Variants in CALU observed in about 807,000 individuals in gnomAD.
CALU encodes the protein calumenin, also known as IEF SSP 9302.
CALU carries 13 observed loss-of-function variants against 37.5 expected under a neutral mutation model. The observed-to-expected ratio is 0.35, with a 90% CI of 0.23 to 0.55. CALU has a LOEUF of 0.55. Among genes scored for constraint, CALU ranks in the 20% least tolerant of loss-of-function variants. CALU has a pLI of 0.89. For missense variants in CALU, 282 were observed against 391.7 expected (o/e 0.72, Z 2.36); for synonymous variants, 114 against 133.8 (o/e 0.85, Z 1.02).
At chr7:128,759,968 G>A in intron 5 of CALU, 116 bp downstream of exon 5, 1 of 640,014 alleles carries the variant, frequency 1.6e-6, no homozygotes, top group East Asian at 3.0e-5. Context: ...GGCCGAGGCG[G>A]GCAGATCACC....
At chr7:128,764,168 C>G (rs1205220658) in intron 5 of CALU, among the ~76,000 whole-genome samples, 1 of 152,076 alleles carries the variant, frequency 6.6e-6, no homozygotes, top group Admixed American at 6.6e-5. Context: ...TAGCTCATTC[C>G]TGTAATCCCA....
At chr7:128,764,488 GAAAT>G (rs1801249319) in intron 5 of CALU, among the ~76,000 whole-genome samples, 1 of 152,136 alleles carries the variant, frequency 6.6e-6, no homozygotes, top group African/African-American at 2.4e-5. Flanking sequence ...AATTCGGAAA[GAAAT>G]CTATAAAATT....
intron 3 of CALU, among the ~76,000 whole-genome samples, chr7:128,758,539 G>A (rs973730322): frequency 6.6e-6 from 1 of 152,164 alleles, no homozygotes; most frequent in Non-Finnish European, 1.5e-5. Flanking sequence ...TTCAAACTCA[G>A]GCAGTATGGG....
intron 3 of CALU, among the ~76,000 whole-genome samples, chr7:128,756,212 G>A (rs1015642555): frequency 2.0e-5 from 3 of 152,206 alleles, no homozygotes; most frequent in East Asian, 1.9e-4. Flanking sequence ...TAGGCTATTG[G>A]TGATCTAAAC....
At position 128,758,927 on chromosome 7, in the gene CALU, C is replaced by G; in HGVS notation, c.472C>G (p.Arg158Gly). 6.2e-7 allele frequency: 1 copy of G among 1,613,524 alleles called. No homozygotes were observed. Among genetic ancestry groups the G allele is most frequent in the East Asian group, 2.2e-5 (1 of 44,872 alleles). ...NYKQMMVRDERRFKMADKDGD... is the reference protein window; with the variant it reads ...NYKQMMVRDEGRFKMADKDGD... ...TAAACAGATGATGGTTAGAGATGAG[C>G]GGAGGTTTAAAATGGCAGACAAGGA... The change falls in exon 4 of 7, where the codon CGG (arginine) becomes GGG (glycine). Residue 158 changes from arginine to glycine, a missense_variant. Arg to Gly is a moderately radical substitution (Grantham distance 125, BLOSUM62 -2). Transcript: ENST00000249364.
At chr7:128,739,463 A>G (rs1000470796) in intron 1 of CALU, 31 bp downstream of exon 1, 1 of 152,582 alleles carries the variant, frequency 6.6e-6, no homozygotes, top group Non-Finnish European at 1.5e-5. Context: ...CCCCTTCACC[A>G]CTGCCTCATC....
chr7:128,747,591 A>G lies in CALU; in HGVS notation c.-11-982A>G, dbSNP rs1385180883. 3 of 152,252 alleles carry G rather than the reference A, an allele frequency of 2.0e-5. No homozygotes were observed. The East Asian group carries it at 5.8e-4, about 29-fold the overall frequency. 9.4% of individuals were successfully genotyped at this position (152,252 alleles called of 1,614,324 possible). A position where few individuals can be genotyped will look rare whatever the true frequency, so the allele number is the denominator to read the frequency against. On this transcript the variant is annotated intron_variant, in intron 1 of 6. Coordinates refer to ENST00000249364, the MANE Select transcript of CALU (RefSeq NM_001219.5). ...CCCCCACTGAGCTGCCTTCCCAGTG[A>G]TGAAAGAAAAAATGTAAAAGCCTGA...
At chr7:128,768,860 A>C (rs1322143711) in intron 6 of CALU, among the ~76,000 whole-genome samples, 1 of 150,148 alleles carries the variant, frequency 6.7e-6, no homozygotes. Context: ...AAAAAAAAAA[A>C]AAAAAAAACA....
chr7:128,746,283 G>A (rs561131578), intron 1 of CALU, among the ~76,000 whole-genome samples: 1 of 151,928 alleles, frequency 6.6e-6, no homozygotes, highest in East Asian at 1.9e-4. Flanking sequence ...TCAGCCTCCT[G>A]AGTAGCTGGG....
chr7:128,744,287 C>T (rs1800349514), intron 1 of CALU, among the ~76,000 whole-genome samples: 1 of 152,068 alleles, frequency 6.6e-6, no homozygotes, highest in Non-Finnish European at 1.5e-5. Flanking sequence ...TTCACATCTT[C>T]CCACGTAAGA....
rs1470300589 is a variant in CALU, at chr7:128,759,892, G to C, written c.643+40G>C. The C allele has an allele frequency of 7.6e-6, 8 of 1,051,750 alleles. No homozygotes were observed. In the Admixed American group the frequency reaches 1.2e-4, roughly 16 times the overall value. The allele number at this position is 1,051,750 out of a possible 1,614,324, so 65.2% of individuals were successfully genotyped here. Reference sequence around the variant, plus strand: ...TTAGTGTTTTTCTTAGAAAAGCTGAGAAGCTTTGAAAGGTGTATTTGCTGG... The same window carrying C: ...TTAGTGTTTTTCTTAGAAAAGCTGACAAGCTTTGAAAGGTGTATTTGCTGG... On this transcript the variant is annotated intron_variant, in intron 5 of 6. Transcript: ENST00000249364.
At chr7:128,746,081 A>T (rs1467806508) in intron 1 of CALU, among the ~76,000 whole-genome samples, 2 of 151,412 alleles carry the variant, frequency 1.3e-5, no homozygotes, top group Non-Finnish European at 2.9e-5. Context: ...CGTTGTTTTG[A>T]ACCTTGCTTT....
Position 128,772,726 on chromosome 7 carries a change from T to A in CALU, c.*3559T>A. On this transcript the variant is annotated 3_prime_UTR_variant, in exon 7 of 7. Coordinates refer to ENST00000249364, the MANE Select transcript of CALU (RefSeq NM_001219.5). ...GGAAGTATGGGAAAAAAGACCTTAT[T>A]CTCTGTATCACCAAAGCCTTGCACA... 1 of 1,602,536 alleles carries A rather than the reference T, an allele frequency of 6.2e-7. No homozygotes were observed. The highest frequency in any genetic ancestry group is 8.5e-7 in the Non-Finnish European group (1 of 1,169,898).
chr7:128,768,994 A>G (rs1015747804), intron 6 of CALU, 69 bp from the exon 7 acceptor site: 42 of 875,238 alleles, frequency 4.8e-5, no homozygotes, highest in Middle Eastern at 4.4e-4. Context: ...CAATTCTTCT[A>G]TAACAGTGTT....
rs1012831963 is a variant in CALU, at chr7:128,768,847, CAAAA to C, written c.844-198_844-195del. 7.4e-4 allele frequency among the ~76,000 whole-genome samples: 41 copies of C among 55,194 alleles called. 1 individual carries two copies. The highest frequency in any genetic ancestry group is 1.3e-3 in the African/African-American group (15 of 11,574). The allele number at this position is 55,194 out of a possible 152,430, so 36.2% of individuals were successfully genotyped here. On this transcript the variant is annotated intron_variant, in intron 6 of 6. Coordinates refer to ENST00000249364, the MANE Select transcript of CALU (RefSeq NM_001219.5). Reference sequence around the variant, plus strand: ...GGGCAACAAGAGCGAAACTCCGTCTCAAAAAAAAAAAAAAAAAAAAACAAGGAAT... The same window carrying C: ...GGGCAACAAGAGCGAAACTCCGTCTCAAAAAAAAAAAAAAAAACAAGGAAT...
chr7:128,764,676 T>C (rs1474988403), intron 5 of CALU, among the ~76,000 whole-genome samples: 2 of 152,122 alleles, frequency 1.3e-5, no homozygotes, highest in East Asian at 1.9e-4. Flanking sequence ...TAAGAAAATA[T>C]CCGTAATTTT....
chr7:128,766,557 T>C (rs927475205), intron 5 of CALU, among the ~76,000 whole-genome samples: 20 of 151,158 alleles, frequency 1.3e-4, no homozygotes, highest in Admixed American at 1.1e-3. Context: ...GCCTCTCGAG[T>C]AGCTGGGATT....
At chr7:128,760,925 A>C (rs1469867889) in intron 5 of CALU, among the ~76,000 whole-genome samples, 1 of 152,198 alleles carries the variant, frequency 6.6e-6, no homozygotes, top group African/African-American at 2.4e-5. Context: ...CAAACAAAAA[A>C]AAGAGTTGCA....
chr7:128,772,262 A>G lies in CALU; in HGVS notation c.*3095A>G, dbSNP rs181395003. 2.0e-5 allele frequency among the ~76,000 whole-genome samples: 3 copies of G among 152,230 alleles called. No homozygotes were observed. Among genetic ancestry groups the G allele is most frequent in the Admixed American group, 2.0e-4 (3 of 15,286 alleles). ...CTTTTTGGTTGCCTTGTATGTAGAA[A>G]TCAGTTCTCCAAGTGCTGTGAATGG... On this transcript the variant is annotated 3_prime_UTR_variant, in exon 7 of 7. Transcript: ENST00000249364.
Sources: allele counts gnomAD v4.1 joint callset (sites outside exome capture counted in the v4.1 genomes callset), GRCh38; gene constraint gnomAD v4.1.1; transcripts MANE v1.5; gene names NCBI Gene and HGNC (gene_info 2026-07-23, HGNC 2026-07-21).